The following STX8 variants were observed in gnomAD, a reference collection of about 807,000 sequenced individuals.
STX8 encodes syntaxin 8, also known as syntaxin-8.
Under a neutral mutation model 37.5 loss-of-function variants are expected in STX8, and 23 were observed. The observed-to-expected ratio is 0.61, with a 90% confidence interval of 0.44 to 0.87. The LOEUF is 0.87. STX8 is among the 40% of genes least tolerant of loss of function. STX8 has a pLI of 0.00. For synonymous variants in STX8, 115 were observed against 99.1 expected (o/e 1.16, Z -0.95); for missense variants, 313 against 284.7 (o/e 1.10, Z -0.71).
chr17:9,375,291 C>A lies in STX8; in HGVS notation c.643+3261G>T, dbSNP rs9903848. On this transcript the variant is annotated intron_variant, in intron 7 of 7. Transcript: ENST00000306357. ...TAGTACTTCTGGGATTCCTTAAATT[C>A]TTTTCTATTTTCAAAAAACAACACT... Among the ~76,000 whole-genome samples the A allele has an allele frequency of 3.3e-5, 5 of 152,016 alleles. No homozygotes were observed. The East Asian group carries it at 9.7e-4, about 29-fold the overall frequency.
At chr17:9,401,863 G>A (rs974476440) in intron 6 of STX8, among the ~76,000 whole-genome samples, 1 of 152,068 alleles carries the variant, frequency 6.6e-6, no homozygotes, top group Non-Finnish European at 1.5e-5. Flanking sequence ...TACTTTACAA[G>A]AGAGCATTCC....
At chr17:9,464,321 T>G (rs1905519209) in intron 6 of STX8, among the ~76,000 whole-genome samples, 1 of 152,236 alleles carries the variant, frequency 6.6e-6, no homozygotes. Context: ...AATTATGACA[T>G]GCAATTATCT....
intron 7 of STX8, among the ~76,000 whole-genome samples, chr17:9,252,631 C>T (rs955013688): frequency 1.4e-5 from 2 of 144,898 alleles, no homozygotes; most frequent in African/African-American, 5.3e-5. Flanking sequence ...AAAAAGAAAA[C>T]GAAAATAAAA....
chr17:9,285,923 C>A (rs907548562), intron 7 of STX8, among the ~76,000 whole-genome samples: 12 of 152,182 alleles, frequency 7.9e-5, no homozygotes, highest in African/African-American at 2.9e-4. Flanking sequence ...CTCAATACTT[C>A]TGAAAAATTG....
At chr17:9,517,955 A>G (rs1369950049) in intron 4 of STX8, among the ~76,000 whole-genome samples, 1 of 152,160 alleles carries the variant, frequency 6.6e-6, no homozygotes, top group Non-Finnish European at 1.5e-5. Context: ...GTGTGATGTA[A>G]GAGTGGAGAG....
intron 7 of STX8, among the ~76,000 whole-genome samples, chr17:9,351,705 A>G (rs999835440): frequency 2.0e-5 from 3 of 152,066 alleles, no homozygotes; most frequent in African/African-American, 7.2e-5. Context: ...TTAATCTACA[A>G]TTCTTCTATC....
At chr17:9,539,606 T>C (rs1011389115) in intron 4 of STX8, among the ~76,000 whole-genome samples, 1 of 151,984 alleles carries the variant, frequency 6.6e-6, no homozygotes, top group Non-Finnish European at 1.5e-5. Flanking sequence ...CTGGAAGTCA[T>C]GAATTAAGGG....
At position 9,333,549 on chromosome 17, in the gene STX8, A is replaced by G. The variant is rs190914457; in HGVS notation, c.643+45003T>C. ...ACTATAGGCGCCCGCCACCACGCCCAGCTAATATTTTGTATTTTTTTAGTA... is the reference window on the plus strand; with the variant it reads ...ACTATAGGCGCCCGCCACCACGCCCGGCTAATATTTTGTATTTTTTTAGTA... On this transcript the variant is annotated intron_variant, in intron 7 of 7. Transcript: ENST00000306357. Among the ~76,000 whole-genome samples, 469 of 151,920 alleles carry G rather than the reference A, an allele frequency of 3.1e-3. 3 individuals are homozygous for G. Among genetic ancestry groups the G allele is most frequent in the African/African-American group, 9.5e-3 (395 of 41,456 alleles).
intron 7 of STX8, among the ~76,000 whole-genome samples, chr17:9,314,575 A>T (rs1403196920): frequency 1.2e-4 from 16 of 128,894 alleles, no homozygotes; most frequent in African/African-American, 3.6e-4. Flanking sequence ...AATTTTTTGT[A>T]TTTTTTTTTT....
intron 6 of STX8, among the ~76,000 whole-genome samples, chr17:9,455,486 C>T (rs976808716): frequency 5.3e-5 from 8 of 151,990 alleles, no homozygotes; most frequent in African/African-American, 1.9e-4. Context: ...GGCGACAGAG[C>T]GAGACTCTGT....
At chr17:9,491,597 T>C (rs1272146368) in intron 6 of STX8, among the ~76,000 whole-genome samples, 1 of 152,202 alleles carries the variant, frequency 6.6e-6, no homozygotes, top group East Asian at 1.9e-4. Flanking sequence ...AACACAGTAT[T>C]GTTAAAAGCA....
At chr17:9,359,417 A>G (rs1327833149) in intron 7 of STX8, among the ~76,000 whole-genome samples, 2 of 152,000 alleles carry the variant, frequency 1.3e-5, no homozygotes, top group Non-Finnish European at 2.9e-5. Context: ...TGAAATCCCC[A>G]AAGAGAAATC....
intron 7 of STX8, among the ~76,000 whole-genome samples, chr17:9,310,324 C>A (rs558893941): frequency 2.9e-4 from 44 of 152,334 alleles, no homozygotes; most frequent in Admixed American, 2.6e-3. Context: ...GCAGTGCACT[C>A]ACTTAAAATC....
chr17:9,407,217 G>A (rs376028304), intron 6 of STX8, among the ~76,000 whole-genome samples: 3 of 152,046 alleles, frequency 2.0e-5, no homozygotes, highest in Non-Finnish European at 1.5e-5. Context: ...AAATAGAGAC[G>A]GGGTCTTGCT....
chr17:9,569,111 C>T lies in STX8; in HGVS notation c.18-641G>A, dbSNP rs146834887. ...AACCAAGGCCGTCTGGCCCCAGAGC[C>T]GGGGCTCTTAACAACTGTGCTGTTC... On this transcript the variant is annotated intron_variant, in intron 1 of 7. Transcript: ENST00000306357. Among the ~76,000 whole-genome samples the T allele has an allele frequency of 2.6e-5, 4 of 152,286 alleles. No homozygotes were observed. In the East Asian group the frequency reaches 7.7e-4, roughly 29 times the overall value.
chr17:9,265,123 G>GAAAAAAAA (rs61526336), intron 7 of STX8, among the ~76,000 whole-genome samples: 1 of 72,510 alleles, frequency 1.4e-5, no homozygotes, highest in Non-Finnish European at 2.9e-5. Flanking sequence ...AGTCTGAAAA[G>GAAAAAAAA]AAAAAAAAAA....
At chr17:9,551,248 T>A (rs1177121431) in intron 3 of STX8, among the ~76,000 whole-genome samples, 1 of 152,092 alleles carries the variant, frequency 6.6e-6, no homozygotes, top group Non-Finnish European at 1.5e-5. Flanking sequence ...GTCAACAAAC[T>A]CTAATAAATA....
intron 7 of STX8, among the ~76,000 whole-genome samples, chr17:9,363,211 C>A (rs1911123826): frequency 6.6e-6 from 1 of 152,184 alleles, no homozygotes; most frequent in South Asian, 2.1e-4. Context: ...GGCCAGGGAT[C>A]ATTGATTTTA....
chr17:9,552,892 G>A (rs1264683052), intron 3 of STX8: 3 of 152,050 alleles, frequency 2.0e-5, no homozygotes, highest in African/African-American at 7.2e-5. Context: ...CTGACCTCGT[G>A]ATCCGCACGC....
Sources: allele counts gnomAD v4.1 joint callset (sites outside exome capture counted in the v4.1 genomes callset), GRCh38; gene constraint gnomAD v4.1.1; transcripts MANE v1.5; gene names NCBI Gene and HGNC (gene_info 2026-07-23, HGNC 2026-07-21).